Variants in ZNF536 observed in about 807,000 individuals in gnomAD.
ZNF536 encodes the protein zinc finger protein 536.
Under a neutral mutation model 84.5 loss-of-function variants are expected in ZNF536, and 13 were observed. The ratio of observed to expected loss-of-function variants is 0.15; its 90% CI spans 0.10 to 0.24. The LOEUF (loss-of-function observed/expected upper bound fraction) is 0.24, where lower values mean the gene tolerates loss of function less well. ZNF536 is among the 10% of genes least tolerant of loss of function. ZNF536 has a pLI of 1.00. For missense variants in ZNF536, 1,536 were observed against 1,747.5 expected, an observed-to-expected ratio of 0.88 and a Z score of 2.16; for synonymous variants, 811 against 742.5, an observed-to-expected ratio of 1.09 and a Z score of -1.50.
rs1478959980 is a variant in ZNF536 at position 30,484,333 on chromosome 19, T to G, written c.2170+38601T>G. 3.3e-5 allele frequency among the ~76,000 whole-genome samples: 5 copies of G among 151,372 alleles called. No homozygotes were observed. The East Asian group carries it at 5.8e-4, about 18-fold the overall frequency. ...CCTCTGCCTCCTAGGTTCAAGTGAT[T>G]CTTCTGCCTCAGCCTCCCGAGTAGC... is the stretch of plus-strand genomic sequence containing the variant. On this transcript the variant is annotated intron_variant, in intron 2 of 4. Coordinates refer to ENST00000355537, the MANE Select transcript of ZNF536 (RefSeq NM_014717.3).
At chr19:30,620,648 G>T (rs2048450595) in intron 1 of ZNF536, among the ~76,000 whole-genome samples, 1 of 152,144 alleles carries the variant, frequency 6.6e-6, no homozygotes, top group Admixed American at 6.5e-5. Flanking sequence ...AGACATCGGG[G>T]TGAGCTGTCT....
intron 2 of ZNF536, among the ~76,000 whole-genome samples, chr19:30,474,234 C>T (rs1403615751): frequency 6.6e-6 from 1 of 152,056 alleles, no homozygotes; most frequent in Non-Finnish European, 1.5e-5. Flanking sequence ...AGACTAGGGC[C>T]AGACTGTGGA....
chr19:30,230,273 A>G (rs1457357731), intron 1 of ZNF536, among the ~76,000 whole-genome samples: 5 of 152,258 alleles, frequency 3.3e-5, no homozygotes, highest in South Asian at 2.1e-4. Context: ...TTAGTACCTC[A>G]TATGTCATCT....
chr19:30,550,836 C>T (rs1419676637), intron 4 of ZNF536, among the ~76,000 whole-genome samples: 1 of 152,156 alleles, frequency 6.6e-6, no homozygotes, highest in East Asian at 1.9e-4. Context: ...TCGAAAATCA[C>T]TAAATGGATT....
intron 1 of ZNF536, among the ~76,000 whole-genome samples, chr19:30,591,318 C>T (rs889600157): frequency 6.6e-6 from 1 of 152,144 alleles, no homozygotes; most frequent in Admixed American, 6.5e-5. Context: ...TAAAGACATA[C>T]CCAAGACTGG....
At chr19:30,502,290 C>T (rs967623695) in intron 2 of ZNF536, among the ~76,000 whole-genome samples, 4 of 152,192 alleles carry the variant, frequency 2.6e-5, no homozygotes, top group African/African-American at 7.2e-5. Flanking sequence ...TACATTGTAA[C>T]ATGCATCTGC....
In ZNF536 at chr19:30,512,044, A is replaced by G. The variant is rs1372548345; in HGVS notation, c.2171-22803A>G. On this transcript the variant is annotated intron_variant, in intron 2 of 4. Transcript: ENST00000355537. ...ACGTGCAAACTTTTGTCTGCAAAGC[A>G]TATGGCAAAGCTTTTATGGATATAC... Among the ~76,000 whole-genome samples the G allele has an allele frequency of 4.6e-5, 7 of 152,332 alleles. No homozygotes were observed. In the East Asian group the frequency reaches 5.8e-4, roughly 13 times the overall value.
At chr19:30,465,344 C>A (rs1313695173) in intron 2 of ZNF536, among the ~76,000 whole-genome samples, 7 of 152,194 alleles carry the variant, frequency 4.6e-5, no homozygotes, top group African/African-American at 1.4e-4. Flanking sequence ...GGAACTATCC[C>A]TCCCCAGTCA....
intron 1 of ZNF536, among the ~76,000 whole-genome samples, chr19:30,610,884 T>C (rs955209154): frequency 1.4e-4 from 21 of 152,186 alleles, no homozygotes; most frequent in African/African-American, 4.8e-4. Flanking sequence ...TTTATCAAAA[T>C]GTAGCCTCTA....
intron 1 of ZNF536, among the ~76,000 whole-genome samples, chr19:30,624,495 A>G (rs1172721025): frequency 6.6e-6 from 1 of 152,178 alleles, no homozygotes; most frequent in Non-Finnish European, 1.5e-5. Context: ...TGATCATGCC[A>G]TGTATTCTTG....
Position 30,565,957 on chromosome 19 carries a change from C to A in ZNF536, c.169+16443C>A, listed in dbSNP as rs536958696. 1.1e-3 allele frequency among the ~76,000 whole-genome samples: 171 copies of A among 152,316 alleles called. 1 individual carries two copies. The highest frequency in any genetic ancestry group is 1.7e-3 in the Non-Finnish European group (113 of 68,034). ...ATCAGTGTCATCAACCGCATCACAC[C>A]AGTCCTCCAAGACACAGCATTTATA... On this transcript the variant is annotated intron_variant, in intron 1 of 1. Coordinates refer to the ZNF536 transcript ENST00000592773.
At chr19:30,341,140 T>C (rs1259740345) in intron 2 of ZNF536, among the ~76,000 whole-genome samples, 1 of 152,254 alleles carries the variant, frequency 6.6e-6, no homozygotes, top group Non-Finnish European at 1.5e-5. Context: ...AGAGCAGTTT[T>C]TATAACATCG....
intron 3 of ZNF536, among the ~76,000 whole-genome samples, chr19:30,544,576 G>A (rs142406478): frequency 9.9e-4 from 151 of 152,244 alleles, no homozygotes; most frequent in African/African-American, 3.5e-3. Flanking sequence ...CTGCTAGCCT[G>A]CTATATGATA....
chr19:30,257,386 T>A (rs2024967520), intron 1 of ZNF536, among the ~76,000 whole-genome samples: 1 of 152,264 alleles, frequency 6.6e-6, no homozygotes, highest in Admixed American at 6.5e-5. Flanking sequence ...ATGTTTAATG[T>A]TAAAAGACAG....
At chr19:30,536,390 A>G (rs2145965595) in intron 3 of ZNF536, among the ~76,000 whole-genome samples, 1 of 152,236 alleles carries the variant, frequency 6.6e-6, no homozygotes, top group Non-Finnish European at 1.5e-5. Flanking sequence ...AACAGCCCTC[A>G]CATCCCCTGC....
At chr19:30,335,604 TCTC>T (rs1477877844) in intron 2 of ZNF536, among the ~76,000 whole-genome samples, 1 of 152,060 alleles carries the variant, frequency 6.6e-6, no homozygotes, top group African/African-American at 2.4e-5. Context: ...GCCTGGCACA[TCTC>T]CTCCCTGGCA....
intron 2 of ZNF536, among the ~76,000 whole-genome samples, chr19:30,329,828 T>C (rs2047152036): frequency 6.6e-6 from 1 of 152,106 alleles, no homozygotes. Context: ...ACTTACTGGG[T>C]CTACACTTGG....
At chr19:30,583,033 G>T (rs1000424159) in intron 1 of ZNF536, among the ~76,000 whole-genome samples, 3 of 152,138 alleles carry the variant, frequency 2.0e-5, no homozygotes, top group South Asian at 2.1e-4. Flanking sequence ...AAAGTCCTGG[G>T]ATTACAAGCA....
upstream of ZNF536, among the ~76,000 whole-genome samples, chr19:30,226,075 T>C (rs1486890734): frequency 6.6e-6 from 1 of 151,730 alleles, no homozygotes; most frequent in Non-Finnish European, 1.5e-5. The surrounding 1 kb of genome is among the most constrained non-coding windows in gnomAD (Gnocchi z 4.6). Flanking sequence ...CCGGGACCGT[T>C]ACTTTGAAAA....
Sources: gnomAD v4.1 joint callset for allele counts (sites outside exome capture counted in the v4.1 genomes callset) on GRCh38, gnomAD v4.1.1 for gene constraint, Gnocchi (gnomAD v3.1) non-coding constraint, MANE v1.5 for transcripts, NCBI Gene and HGNC (gene_info 2026-07-23, HGNC 2026-07-21) for gene names.